Variants in TRIM33 observed in about 807,000 individuals in gnomAD.
The protein encoded by TRIM33 is E3 ubiquitin-protein ligase TRIM33.
In TRIM33, 20 loss-of-function variants were observed where a neutral mutation model predicts 125.4. That is an observed-to-expected ratio of 0.16 (90% CI 0.11 to 0.23). The LOEUF (loss-of-function observed/expected upper bound fraction) is 0.23, where lower values mean the gene tolerates loss of function less well. TRIM33 is among the 10% of genes least tolerant of loss of function. The pLI, the probability that TRIM33 is intolerant of heterozygous loss-of-function variation, is 1.00. For missense variants in TRIM33, 920 were observed against 1,411.4 expected (o/e 0.65, Z 5.58); for synonymous variants, 564 against 513.9 (o/e 1.10, Z -1.32).
chr1:114,482,495 A>ACTCT (rs1651421569), intron 1 of TRIM33, among the ~76,000 whole-genome samples: 1 of 152,190 alleles, frequency 6.6e-6, no homozygotes, highest in African/African-American at 2.4e-5. Context: ...GAGATAGAGA[A>ACTCT]GACAGATTGG....
chr1:114,400,141 C>G (rs1201147403), intron 17 of TRIM33, among the ~76,000 whole-genome samples: 1 of 152,160 alleles, frequency 6.6e-6, no homozygotes, highest in Non-Finnish European at 1.5e-5. Flanking sequence ...GACCCCAACT[C>G]TGGCGAAAAA....
intron 6 of TRIM33, among the ~76,000 whole-genome samples, chr1:114,428,576 T>C (rs570372861): frequency 1.0e-3 from 159 of 152,358 alleles, no homozygotes; most frequent in Non-Finnish European, 1.9e-3. Context: ...CATCTACTAC[T>C]TTCTTAAGAA....
intron 1 of TRIM33, among the ~76,000 whole-genome samples, chr1:114,507,792 T>A (rs1475575803): frequency 2.0e-5 from 3 of 152,088 alleles, no homozygotes; most frequent in African/African-American, 7.3e-5. Flanking sequence ...TAGGAGTTAA[T>A]ACTGACAAAT....
chr1:114,393,951 G>A lies in TRIM33; in HGVS notation c.*3697C>T. On this transcript the variant is annotated 3_prime_UTR_variant, in exon 20 of 20. Coordinates refer to ENST00000358465, the MANE Select transcript of TRIM33 (RefSeq NM_015906.4). ...GGAGAGGATTCTGACATGCTATTAGGCAACAGACTCAAAGCAGTGTTATTG... is the reference window on the plus strand; with the variant it reads ...GGAGAGGATTCTGACATGCTATTAGACAACAGACTCAAAGCAGTGTTATTG... 1.3e-5 allele frequency: 3 copies of A among 222,672 alleles called. No homozygotes were observed. The highest frequency in any genetic ancestry group is 6.6e-5 in the East Asian group (1 of 15,244). 13.8% of individuals were successfully genotyped at this position (222,672 alleles called of 1,614,324 possible).
chr1:114,403,601 G>A (rs751023463), intron 15 of TRIM33, among the ~76,000 whole-genome samples: 16 of 152,006 alleles, frequency 1.1e-4, no homozygotes, highest in Middle Eastern at 6.8e-3. Flanking sequence ...ACAGTGGCAC[G>A]ATCCTGGCTC....
chr1:114,406,877 C>A, intron 14 of TRIM33, 64 bp downstream of exon 14: 2 of 1,510,250 alleles, frequency 1.3e-6, no homozygotes, highest in South Asian at 1.2e-5. Flanking sequence ...TTAATATACT[C>A]AGAGCTGAAA....
chr1:114,461,393 G>A (rs1371271498), intron 4 of TRIM33, among the ~76,000 whole-genome samples: 1 of 150,244 alleles, frequency 6.7e-6, no homozygotes, highest in African/African-American at 2.4e-5. Context: ...GCAGGACTGA[G>A]CCCTTAACTT....
At chr1:114,436,278 T>C (rs1359998745) in intron 4 of TRIM33, among the ~76,000 whole-genome samples, 1 of 151,016 alleles carries the variant, frequency 6.6e-6, no homozygotes, top group Non-Finnish European at 1.5e-5. Flanking sequence ...GGTGTGCACC[T>C]GTAGTCCCAG....
intron 1 of TRIM33, among the ~76,000 whole-genome samples, chr1:114,502,758 C>A (rs1436530416): frequency 6.6e-6 from 1 of 152,170 alleles, no homozygotes; most frequent in Non-Finnish European, 1.5e-5. Flanking sequence ...CCTCCCACCT[C>A]AGCCTTCGAA....
chr1:114,491,633 T>C (rs1652070476), intron 1 of TRIM33, among the ~76,000 whole-genome samples: 2 of 152,168 alleles, frequency 1.3e-5, no homozygotes, highest in Non-Finnish European at 2.9e-5. Flanking sequence ...TGAAACCCAG[T>C]CTTTACAAAA....
At chr1:114,468,786 T>G in intron 1 of TRIM33, 3 of 369,710 alleles carry the variant, frequency 8.1e-6, no homozygotes, top group Non-Finnish European at 1.6e-5. Context: ...TGACAGTATC[T>G]CATTCAATAA....
intron 1 of TRIM33, among the ~76,000 whole-genome samples, chr1:114,506,052 TC>T (rs1223272357): frequency 6.6e-6 from 1 of 152,180 alleles, no homozygotes; most frequent in Admixed American, 6.5e-5. Context: ...TGGAGAGACT[TC>T]CTAGGTTCCT....
intron 1 of TRIM33, among the ~76,000 whole-genome samples, chr1:114,475,580 G>A (rs932769169): frequency 2.0e-5 from 3 of 152,182 alleles, no homozygotes; most frequent in African/African-American, 4.8e-5. Context: ...CTACTCGGGA[G>A]GCTGAGGCAG....
At chr1:114,408,470 G>A (rs1366931735) in intron 13 of TRIM33, among the ~76,000 whole-genome samples, 5 of 152,024 alleles carry the variant, frequency 3.3e-5, no homozygotes, top group Non-Finnish European at 2.9e-5. Context: ...AAACAGTCAC[G>A]AGTGAAATGA....
At chr1:114,474,581 A>AAG (rs1650860642) in intron 1 of TRIM33, among the ~76,000 whole-genome samples, 1 of 146,248 alleles carries the variant, frequency 6.8e-6, no homozygotes, top group Non-Finnish European at 1.5e-5. Flanking sequence ...CTCTATTTAA[A>AAG]AAAAAAAAAA....
At chr1:114,417,728 G>A (rs914850909) in intron 11 of TRIM33, among the ~76,000 whole-genome samples, 2 of 152,004 alleles carry the variant, frequency 1.3e-5, no homozygotes, top group Non-Finnish European at 2.9e-5. Flanking sequence ...GCGCGATCTC[G>A]GCTCACTGGA....
Position 114,397,119 on chromosome 1 carries a change from A to G in TRIM33, c.*529T>C. The G allele has an allele frequency of 4.5e-6, 1 of 223,946 alleles. No homozygotes were observed. Among genetic ancestry groups the G allele is most frequent in the East Asian group, 6.6e-5 (1 of 15,138 alleles). 13.9% of individuals were successfully genotyped at this position (223,946 alleles called of 1,614,324 possible). A position where few individuals can be genotyped will look rare whatever the true frequency, so the allele number is the denominator to read the frequency against. ...CAGCATAAAAATGAGAAAAAACATA[A>G]TGGCATGATTCAATGCAAATCTGCA... On this transcript the variant is annotated 3_prime_UTR_variant, in exon 20 of 20. Transcript: ENST00000358465.
chr1:114,474,128 C>T (rs1290571680), intron 1 of TRIM33, among the ~76,000 whole-genome samples: 1 of 152,060 alleles, frequency 6.6e-6, no homozygotes, highest in Non-Finnish European at 1.5e-5. Context: ...CTCAATCTCC[C>T]AGCCTCAAGC....
At position 114,397,675 on chromosome 1, in the gene TRIM33, T is replaced by C. The variant is rs1651626561; in HGVS notation, c.3357A>G (p.Ser1119=). ...FIQPRRKRLK[S]DERPVHIK is the part of the protein sequence containing the mutation. Reference sequence around the variant, plus strand: ...ACTTTATATGTACTGGTCTCTCATCTGACTTTAGGCGTTTTCTGCGGGGCT... The same window carrying C: ...ACTTTATATGTACTGGTCTCTCATCCGACTTTAGGCGTTTTCTGCGGGGCT... Residue 1119 remains serine (S), a synonymous_variant, in exon 20 of 20, where the codon TCA becomes TCG. Transcript: ENST00000358465. The C allele has an allele frequency of 5.0e-6, 8 of 1,599,992 alleles. No homozygotes were observed. Among genetic ancestry groups the C allele is most frequent in the Non-Finnish European group, 6.8e-6 (8 of 1,171,754 alleles).
Sources: allele counts gnomAD v4.1 joint callset (sites outside exome capture counted in the v4.1 genomes callset), GRCh38; gene constraint gnomAD v4.1.1; transcripts MANE v1.5; gene names NCBI Gene and HGNC (gene_info 2026-07-23, HGNC 2026-07-21).